The following TTC12 variants were observed in gnomAD, a reference collection of about 807,000 sequenced individuals.
The protein encoded by TTC12 is tetratricopeptide repeat domain 12, also known as tetratricopeptide repeat protein 12.
Under a neutral mutation model 90.1 loss-of-function variants are expected in TTC12, and 70 were observed. The ratio of observed to expected loss-of-function variants is 0.78; its 90% CI spans 0.64 to 0.95. The LOEUF is 0.95. TTC12 is among the 40% of genes least tolerant of loss of function. The probability of loss-of-function intolerance (pLI) is 0.00; values close to 1 mark genes in which losing one functional copy is unlikely to be tolerated. For synonymous variants in TTC12, 296 were observed against 311.5 expected (o/e 0.95, Z 0.53); for missense variants, 819 against 846.1 (o/e 0.97, Z 0.40).
chr11:113,364,222 CAGA>C (rs1003787579), intron 20 of TTC12, among the ~76,000 whole-genome samples: 5 of 152,228 alleles, frequency 3.3e-5, no homozygotes, highest in South Asian at 2.1e-4. Context: ...TCTGCCTTCA[CAGA>C]AGGAGAGGGG....
At position 113,365,024 on chromosome 11, in the gene TTC12, G is replaced by T. The variant is rs778362998; in HGVS notation, c.2006G>T (p.Gly669Val). ...AAGACGGCCGTGCAGGTGAACGCAG[G>T]CATTGCTCTGGGGAAGCTGTGCACA... Reference protein sequence around the residue: ...TQKTAVQVNAGIALGKLCTAE... With the variant: ...TQKTAVQVNAVIALGKLCTAE... Residue 669 changes from glycine (G) to valine (V), a missense_variant, in exon 21 of 22, where the codon GGC becomes GTC. Gly to Val is a moderately radical substitution (Grantham distance 109, BLOSUM62 -3). Coordinates refer to ENST00000529221, the MANE Select transcript of TTC12 (RefSeq NM_017868.4). The T allele has an allele frequency of 6.2e-7, 1 of 1,614,038 alleles. No individual in the cohort carries two copies. Among genetic ancestry groups the T allele is most frequent in the Non-Finnish European group, 8.5e-7 (1 of 1,180,038 alleles).
intron 15 of TTC12, 51 bp downstream of exon 15, chr11:113,351,350 G>C: frequency 6.9e-7 from 1 of 1,452,712 alleles, no homozygotes; most frequent in Non-Finnish European, 9.7e-7. Context: ...TCAGGAGCGT[G>C]AATGGGGCTG....
At chr11:113,325,457 G>A (rs1565576216) in intron 5 of TTC12, 67 bp from the exon 6 acceptor site, 1 of 1,579,698 alleles carries the variant, frequency 6.3e-7, no homozygotes, top group Admixed American at 1.8e-5. Context: ...GAAAATCGGG[G>A]GAATAAAGTC....
chr11:113,320,598 C>A (rs548394147), intron 2 of TTC12, among the ~76,000 whole-genome samples: 30 of 152,312 alleles, frequency 2.0e-4, no homozygotes, highest in Non-Finnish European at 3.7e-4. Flanking sequence ...CTGTGTGTGA[C>A]CTGATTCTTC....
chr11:113,370,400 C>A (rs1481863588), downstream of TTC12, among the ~76,000 whole-genome samples: 1 of 152,240 alleles, frequency 6.6e-6, no homozygotes, highest in Admixed American at 6.5e-5. Flanking sequence ...GAGTGCTAGC[C>A]CAGCGGGACA....
At position 113,364,967 on chromosome 11, in the gene TTC12, T is replaced by G. The variant is rs1432959342; in HGVS notation, c.1949T>G (p.Val650Gly). Reference protein sequence around the residue: ...SSLLKTDLLQVLLKLAGSDTQ... With the variant: ...SSLLKTDLLQGLLKLAGSDTQ... ...CTGCTAAAGACGGACCTTTTGCAGG[T>G]CTTGTTAAAGCTTGCAGGCAGTGAC... Residue 650 changes from valine to glycine, a missense_variant, in exon 21 of 22, where the codon GTC becomes GGC. Physicochemically the swap from Val to Gly is moderately radical, Grantham distance 109. Coordinates refer to ENST00000529221, the MANE Select transcript of TTC12 (RefSeq NM_017868.4). 1.2e-6 allele frequency: 2 copies of G among 1,613,976 alleles called. No homozygotes were observed. Among genetic ancestry groups the G allele is most frequent in the Non-Finnish European group, 1.7e-6 (2 of 1,180,026 alleles).
chr11:113,354,521 G>T (rs1949510441), intron 16 of TTC12, among the ~76,000 whole-genome samples: 1 of 152,164 alleles, frequency 6.6e-6, no homozygotes, highest in Admixed American at 6.5e-5. Context: ...GTGGGAGAGG[G>T]CATCCTTATC....
intron 1 of TTC12, among the ~76,000 whole-genome samples, chr11:113,315,482 G>A (rs186788696): frequency 6.6e-5 from 10 of 152,320 alleles, no homozygotes; most frequent in Admixed American, 6.5e-4. Context: ...CACCTGGAAA[G>A]TGTTTAAAAT....
At chr11:113,351,708 T>C (rs1459864360) in intron 15 of TTC12, among the ~76,000 whole-genome samples, 1 of 152,168 alleles carries the variant, frequency 6.6e-6, no homozygotes, top group African/African-American at 2.4e-5. Context: ...TTGGAGAGTG[T>C]GTTGCAACTG....
intron 9 of TTC12, 122 bp downstream of exon 9, chr11:113,338,956 C>T: frequency 1.2e-6 from 1 of 845,938 alleles, no homozygotes; most frequent in South Asian, 1.5e-5. Context: ...CTCTTTCCTG[C>T]ACAGTTGGGT....
intron 7 of TTC12, 143 bp downstream of exon 7, chr11:113,330,122 A>G (rs1947955034): frequency 1.4e-6 from 1 of 697,380 alleles, no homozygotes; most frequent in Non-Finnish European, 2.6e-6. Flanking sequence ...ATAGAATAGA[A>G]TTGTTAGGAG....
intron 16 of TTC12, among the ~76,000 whole-genome samples, chr11:113,356,065 T>TGACA (rs763643792): frequency 9.5e-4 from 144 of 152,342 alleles, no homozygotes; most frequent in Non-Finnish European, 1.5e-3. Context: ...TTATTGTGTG[T>TGACA]CAGACTAAGT....
chr11:113,333,120 C>G (rs1948155809), intron 7 of TTC12, among the ~76,000 whole-genome samples: 1 of 152,152 alleles, frequency 6.6e-6, no homozygotes, highest in South Asian at 2.1e-4. Context: ...CACCTTCCTA[C>G]CAGCTTACCT....
At chr11:113,319,522 C>T (rs1207514094) in intron 2 of TTC12, among the ~76,000 whole-genome samples, 1 of 152,090 alleles carries the variant, frequency 6.6e-6, no homozygotes, top group Non-Finnish European at 1.5e-5. Flanking sequence ...CCTAGGAAGA[C>T]TTATTTGGTA....
At chr11:113,372,119 T>C (rs1025858501) in intron 21 of TTC12, among the ~76,000 whole-genome samples, 1 of 152,190 alleles carries the variant, frequency 6.6e-6, no homozygotes, top group Non-Finnish European at 1.5e-5. Context: ...AATGGCAGGC[T>C]GAGCTGGCAA....
In TTC12 at chr11:113,324,513, T is replaced by C. The variant is rs1947560822; in HGVS notation, c.245-92T>C. 3 of 985,526 alleles carry C rather than the reference T, an allele frequency of 3.0e-6. No homozygotes were observed. The Admixed American group carries it at 6.3e-5, about 21-fold the overall frequency. The allele number at this position is 985,526 out of a possible 1,614,324, so 61.0% of individuals were successfully genotyped here. On this transcript the variant is annotated intron_variant, in intron 4 of 21. Transcript: ENST00000529221. ...GTGCCTGTGTGCATATGCATACGTGTGGCTCTAAAGTAACACTTCGAATTT... is the reference window on the plus strand; with the variant it reads ...GTGCCTGTGTGCATATGCATACGTGCGGCTCTAAAGTAACACTTCGAATTT...
rs371073076 is a variant in TTC12 at position 113,364,933 on chromosome 11, G to A, written c.1915G>A (p.Ala639Thr). ...LGNCMEVPNV[A>T]SSLLKTDLLQ... is the part of the protein sequence containing the mutation. ...TAACTGCATGGAGGTGCCCAACGTT[G>A]CGTCTTCCCTGCTAAAGACGGACCT... The change falls in exon 21 of 22, where the codon GCG (alanine) becomes ACG (threonine). Residue 639 changes from alanine to threonine, a missense_variant. Ala to Thr is a moderately conservative substitution (Grantham distance 58). Coordinates refer to ENST00000529221, the MANE Select transcript of TTC12 (RefSeq NM_017868.4). The A allele has an allele frequency of 1.2e-6, 2 of 1,614,060 alleles. No individual in the cohort carries two copies. The highest frequency in any genetic ancestry group is 1.3e-5 in the African/African-American group (1 of 74,926).
At chr11:113,362,014 T>A (rs1591208039) in intron 18 of TTC12, among the ~76,000 whole-genome samples, 1 of 145,896 alleles carries the variant, frequency 6.9e-6, no homozygotes, top group Non-Finnish European at 1.5e-5. Context: ...TCCCAGAAAC[T>A]AGAACAAAAG....
Position 113,350,165 on chromosome 11 carries a change from G to T in TTC12, c.1247G>T (p.Arg416Ile). 1 of 1,603,388 alleles carries T rather than the reference G, an allele frequency of 6.2e-7. No individual in the cohort carries two copies. Among genetic ancestry groups the T allele is most frequent in the Non-Finnish European group, 8.5e-7 (1 of 1,171,708 alleles). The change falls in exon 14 of 22, where the codon AGA (arginine) becomes ATA (isoleucine). Residue 416 changes from arginine (R) to isoleucine (I), a missense_variant and splice_region_variant. By Grantham distance (97) the Arg-to-Ile change is moderately conservative (BLOSUM62 -3). Coordinates refer to ENST00000529221, the MANE Select transcript of TTC12 (RefSeq NM_017868.4). Reference protein sequence around the residue: ...GLFTDLALEERFQVWFQANLP... With the variant: ...GLFTDLALEEIFQVWFQANLP... The stretch of plus-strand genomic sequence containing the variant: ...TTCACAGACTTGGCTCTGGAAGAAA[G>T]GTAATTTTTTTATTTATAGAAATTG...
Sources: gnomAD v4.1 joint callset for allele counts (sites outside exome capture counted in the v4.1 genomes callset) on GRCh38, gnomAD v4.1.1 for gene constraint, MANE v1.5 for transcripts, NCBI Gene and HGNC (gene_info 2026-07-23, HGNC 2026-07-21) for gene names.